The following FHIP1A variants were observed in gnomAD, a reference collection of about 807,000 sequenced individuals.
FHIP1A encodes FHF complex subunit HOOK interacting protein 1A, also known as FHF complex subunit HOOK-interacting protein 1A.
Under a neutral mutation model 88.6 loss-of-function variants are expected in FHIP1A, and 61 were observed. That is an observed-to-expected ratio of 0.69 (90% CI 0.56 to 0.85). The LOEUF (loss-of-function observed/expected upper bound fraction) is 0.85, where lower values mean the gene tolerates loss of function less well. FHIP1A is among the 40% of genes least tolerant of loss of function. The probability of loss-of-function intolerance (pLI) is 0.00; values close to 1 mark genes in which losing one functional copy is unlikely to be tolerated. For synonymous variants in FHIP1A, 478 were observed against 496.0 expected, an observed-to-expected ratio of 0.96 and a Z score of 0.48; for missense variants, 1,154 against 1,273.5, an observed-to-expected ratio of 0.91 and a Z score of 1.43.
At chr4:151,587,937 T>C (rs1181809951) in intron 6 of FHIP1A, among the ~76,000 whole-genome samples, 1 of 152,102 alleles carries the variant, frequency 6.6e-6, no homozygotes. Flanking sequence ...CCCAAAAATA[T>C]ATACACACAG....
rs1421804434 is a variant in FHIP1A, at chr4:151,669,565, T to A, written c.*6811T>A. ...TTACAAAATAAAGATCCTGTCAGAC[T>A]CCAGTCTCAGACCACCTTTGCCCAT... On this transcript the variant is annotated 3_prime_UTR_variant, in exon 14 of 14. Transcript: ENST00000435205. 2.0e-5 allele frequency among the ~76,000 whole-genome samples: 3 copies of A among 152,282 alleles called. No homozygotes were observed. The highest frequency in any genetic ancestry group is 2.9e-5 in the Non-Finnish European group (2 of 68,022).
chr4:151,524,530 A>G (rs752127475), intron 3 of FHIP1A, among the ~76,000 whole-genome samples: 17 of 152,146 alleles, frequency 1.1e-4, no homozygotes, highest in Non-Finnish European at 2.1e-4. Flanking sequence ...TTCATGTGCC[A>G]TTTCTGAGAG....
chr4:151,454,338 T>G (rs1728897239), intron 1 of FHIP1A, among the ~76,000 whole-genome samples: 1 of 152,184 alleles, frequency 6.6e-6, no homozygotes, highest in Admixed American at 6.5e-5. Flanking sequence ...TTTTCCTCCC[T>G]GTTTGGGCCA....
chr4:151,541,764 C>G (rs530688392), intron 3 of FHIP1A, among the ~76,000 whole-genome samples: 3 of 152,132 alleles, frequency 2.0e-5, no homozygotes, highest in African/African-American at 4.8e-5. Context: ...TGGGCTCTGT[C>G]GGTAGTAGCC....
intron 7 of FHIP1A, among the ~76,000 whole-genome samples, chr4:151,614,071 G>A (rs1392230369): frequency 5.3e-5 from 8 of 151,852 alleles, no homozygotes; most frequent in African/African-American, 1.7e-4. Flanking sequence ...GATGAGGCAC[G>A]AGAATCACTT....
At chr4:151,494,039 T>C (rs1430393592) in intron 3 of FHIP1A, among the ~76,000 whole-genome samples, 1 of 152,242 alleles carries the variant, frequency 6.6e-6, no homozygotes, top group Non-Finnish European at 1.5e-5. Context: ...AAATTGTCCC[T>C]GTTTACTGAT....
At chr4:151,601,886 T>A (rs1734883650) in intron 7 of FHIP1A, among the ~76,000 whole-genome samples, 1 of 151,942 alleles carries the variant, frequency 6.6e-6, no homozygotes, top group Admixed American at 6.6e-5. Flanking sequence ...CTCACAGTTT[T>A]ACATGGGTGG....
chr4:151,609,964 G>A (rs977383105), intron 7 of FHIP1A, among the ~76,000 whole-genome samples: 5 of 152,198 alleles, frequency 3.3e-5, no homozygotes, highest in Non-Finnish European at 5.9e-5. Context: ...AGAGAGCAAA[G>A]AGGAAGGCAC....
At chr4:151,409,524 G>A (rs1026914517) in intron 1 of FHIP1A, 59 bp downstream of exon 1, 1 of 152,720 alleles carries the variant, frequency 6.5e-6, no homozygotes, top group African/African-American at 2.4e-5. Flanking sequence ...TTAGAGGGTT[G>A]AAGGAGGAGG....
intron 11 of FHIP1A, among the ~76,000 whole-genome samples, chr4:151,655,528 C>A (rs568320896): frequency 1.3e-5 from 2 of 152,272 alleles, no homozygotes; most frequent in Non-Finnish European, 2.9e-5. Flanking sequence ...CGAACTGTAT[C>A]TCCCAAAACT....
At chr4:151,655,171 G>A (rs1737185724) in intron 11 of FHIP1A, among the ~76,000 whole-genome samples, 1 of 152,138 alleles carries the variant, frequency 6.6e-6, no homozygotes, top group South Asian at 2.1e-4. Flanking sequence ...ATATATCAAG[G>A]GATGTGTGCT....
intron 1 of FHIP1A, among the ~76,000 whole-genome samples, chr4:151,410,355 A>G (rs1732574717): frequency 6.6e-6 from 1 of 152,226 alleles, no homozygotes; most frequent in African/African-American, 2.4e-5. Flanking sequence ...GAGGAGGAGT[A>G]AACAATGCCT....
chr4:151,594,217 C>T (rs1322995593), intron 7 of FHIP1A, among the ~76,000 whole-genome samples: 1 of 152,156 alleles, frequency 6.6e-6, no homozygotes, highest in Non-Finnish European at 1.5e-5. Context: ...TTTGTGGTGT[C>T]TCTGCCAGGT....
chr4:151,467,776 C>T (rs1433977610), intron 2 of FHIP1A, among the ~76,000 whole-genome samples: 1 of 151,864 alleles, frequency 6.6e-6, no homozygotes, highest in Non-Finnish European at 1.5e-5. Context: ...GGGTGTTGAA[C>T]AATGAGAACA....
chr4:151,631,951 T>C (rs1270714674), intron 8 of FHIP1A, among the ~76,000 whole-genome samples: 1 of 152,132 alleles, frequency 6.6e-6, no homozygotes, highest in Non-Finnish European at 1.5e-5. Flanking sequence ...TCCACCTCAG[T>C]AATTATTTTA....
At chr4:151,525,825 C>T (rs1201185227) in intron 3 of FHIP1A, among the ~76,000 whole-genome samples, 1 of 150,032 alleles carries the variant, frequency 6.7e-6, no homozygotes, top group African/African-American at 2.5e-5. Flanking sequence ...GGCAGGGTCA[C>T]AGGACAATAT....
At chr4:151,606,710 T>A (rs778379162) in intron 7 of FHIP1A, among the ~76,000 whole-genome samples, 1 of 152,242 alleles carries the variant, frequency 6.6e-6, no homozygotes, top group Non-Finnish European at 1.5e-5. Flanking sequence ...TGTCTTGTTC[T>A]ATTTTTGCTA....
Position 151,422,402 on chromosome 4 carries a change from TGAGA to T in FHIP1A, c.-356+12945_-356+12948del, listed in dbSNP as rs1733207119. On this transcript the variant is annotated intron_variant, in intron 1 of 13. Coordinates refer to ENST00000435205, the MANE Select transcript of FHIP1A (RefSeq NM_001109977.3). ...AAAATATATATATGCATTTTTTTAA[TGAGA>T]GAGAGAGTCTTGCTCCATTGTCCAG... 4.0e-5 allele frequency among the ~76,000 whole-genome samples: 6 copies of T among 150,052 alleles called. No homozygotes were observed. In the South Asian group the frequency reaches 1.3e-3, roughly 32 times the overall value.
intron 3 of FHIP1A, among the ~76,000 whole-genome samples, chr4:151,531,740 C>T (rs1731885343): frequency 6.6e-6 from 1 of 152,204 alleles, no homozygotes; most frequent in Admixed American, 6.5e-5. Flanking sequence ...TCACTGTTGT[C>T]TTCCTTGTAC....
Sources: allele counts gnomAD v4.1 joint callset (sites outside exome capture counted in the v4.1 genomes callset), GRCh38; gene constraint gnomAD v4.1.1; transcripts MANE v1.5; gene names NCBI Gene and HGNC (gene_info 2026-07-23, HGNC 2026-07-21).